The following KCNIP1 variants were observed in gnomAD, a reference collection of about 807,000 sequenced individuals.
The protein encoded by KCNIP1 is potassium voltage-gated channel interacting protein 1.
Under a neutral mutation model 33.0 loss-of-function variants are expected in KCNIP1, and 18 were observed. The ratio of observed to expected loss-of-function variants is 0.55; its 90% CI spans 0.38 to 0.81. The LOEUF (loss-of-function observed/expected upper bound fraction) is 0.81. Ranked by LOEUF, KCNIP1 falls within the 30% of genes least tolerant of loss-of-function variation. The probability of loss-of-function intolerance (pLI) is 0.00; values close to 1 mark genes in which losing one functional copy is unlikely to be tolerated. For missense variants in KCNIP1, 238 were observed against 271.6 expected (o/e 0.88, Z 0.87); for synonymous variants, 93 against 98.3 (o/e 0.95, Z 0.32).
At chr5:170,582,313 C>A (rs1757825854) in intron 1 of KCNIP1, among the ~76,000 whole-genome samples, 1 of 152,144 alleles carries the variant, frequency 6.6e-6, no homozygotes, top group African/African-American at 2.4e-5. Context: ...GTTGAGTAGT[C>A]CTGAGCAGGT....
chr5:170,669,656 C>T (rs1761842178), intron 1 of KCNIP1: 3 of 985,244 alleles, frequency 3.0e-6, no homozygotes, highest in Non-Finnish European at 3.6e-6. Context: ...TCGGAGAGTT[C>T]CTGGGTATGA....
chr5:170,424,911 T>A (rs1581179822), intron 1 of KCNIP1, among the ~76,000 whole-genome samples: 1 of 152,196 alleles, frequency 6.6e-6, no homozygotes, highest in East Asian at 1.9e-4. Context: ...CGTCTTGGCT[T>A]CTTTCTGGTC....
chr5:170,354,694 C>T (rs73800631), intron 1 of KCNIP1, among the ~76,000 whole-genome samples: 149 of 152,276 alleles, frequency 9.8e-4, no homozygotes, highest in African/African-American at 3.4e-3. Flanking sequence ...GGCCCACAGC[C>T]GGGAGGCAGA....
At chr5:170,603,399 G>A (rs762498548) in intron 1 of KCNIP1, among the ~76,000 whole-genome samples, 19 of 152,178 alleles carry the variant, frequency 1.2e-4, no homozygotes, top group Non-Finnish European at 2.5e-4. Flanking sequence ...CTCAGCGATC[G>A]TTTTCCATTA....
chr5:170,575,298 A>G (rs1190345428), intron 1 of KCNIP1, among the ~76,000 whole-genome samples: 1 of 152,258 alleles, frequency 6.6e-6, no homozygotes, highest in African/African-American at 2.4e-5. Context: ...ATTAAGTAAC[A>G]TTATGGTAAA....
chr5:170,428,468 TAAC>T (rs748384951), intron 1 of KCNIP1, among the ~76,000 whole-genome samples: 7 of 152,040 alleles, frequency 4.6e-5, no homozygotes, highest in Non-Finnish European at 7.4e-5. Flanking sequence ...TGATGGAATT[TAAC>T]AACAAGGAAC....
In KCNIP1 at chr5:170,670,895, C is replaced by CA. The variant is rs1196945254; in HGVS notation, c.62-47857dup. Among the ~76,000 whole-genome samples the CA allele has an allele frequency of 6.1e-3, 641 of 105,834 alleles. 5 individuals carry two copies. Among genetic ancestry groups the CA allele is most frequent in the African/African-American group, 0.029 (600 of 20,888 alleles). The allele number at this position is 105,834 out of a possible 152,430, so 69.4% of individuals were successfully genotyped here. On this transcript the variant is annotated intron_variant, in intron 1 of 7. Coordinates refer to ENST00000328939, the MANE Select transcript of KCNIP1 (RefSeq NM_014592.4). ...TGGGCGACAGAGTGAGACTCTGTCTCAAAAAACAAAAAAAAAAATAAAAAA... is the reference window on the plus strand; with the variant it reads ...TGGGCGACAGAGTGAGACTCTGTCTCAAAAAAACAAAAAAAAAAATAAAAAA...
In KCNIP1 at chr5:170,504,366, C is replaced by G. The variant is rs1754621044; in HGVS notation, c.-207C>G. 2.8e-6 allele frequency: 4 copies of G among 1,423,198 alleles called. No homozygotes were observed. The highest frequency in any genetic ancestry group is 2.7e-6 in the Non-Finnish European group (3 of 1,094,352). 88.2% of individuals were successfully genotyped at this position (1,423,198 alleles called of 1,614,324 possible). A position where few individuals can be genotyped will look rare whatever the true frequency, so the allele number is the denominator to read the frequency against. ...CCGAAGGCTCGCGGGGAGCGGCTAGCCCTGAGTCCCTGCATGTGCGGGGCT... is the reference window on the plus strand; with the variant it reads ...CCGAAGGCTCGCGGGGAGCGGCTAGGCCTGAGTCCCTGCATGTGCGGGGCT... On this transcript the variant is annotated 5_prime_UTR_variant, in exon 1 of 8. Coordinates refer to ENST00000328939, the MANE Select transcript of KCNIP1 (RefSeq NM_014592.4). This position sits in a 1 kb window ranked among gnomAD's most constrained non-coding sequence, Gnocchi z 6.0.
chr5:170,385,764 A>G (rs562608509), intron 1 of KCNIP1, among the ~76,000 whole-genome samples: 13 of 152,094 alleles, frequency 8.5e-5, no homozygotes, highest in Non-Finnish European at 1.9e-4. Flanking sequence ...TCTATGTTCT[A>G]GTCTCTGGAA....
In KCNIP1 at chr5:170,456,701, T is replaced by TTTTCTTTTTCTTTCTTTC. The variant is rs1554093875; in HGVS notation, c.88+102744_88+102745insTTCTTTCTTTCTTTCTTT. Among the ~76,000 whole-genome samples, 1,213 of 135,754 alleles carry TTTTCTTTTTCTTTCTTTC rather than the reference T, an allele frequency of 8.9e-3. 10 individuals carry two copies. The highest frequency in any genetic ancestry group is 0.014 in the Middle Eastern group (4 of 280). The allele number at this position is 135,754 out of a possible 152,430, so 89.1% of individuals were successfully genotyped here. A position where few individuals can be genotyped will look rare whatever the true frequency, so the allele number is the denominator to read the frequency against. On this transcript the variant is annotated intron_variant, in intron 1 of 7. Transcript: ENST00000377360. The stretch of plus-strand genomic sequence containing the variant: ...TTTCTTTCTTTCTCTCTCTCTCTCT[T>TTTTCTTTTTCTTTCTTTC]TTTCTTTCTTTCTTTCTTTCTTTCT...
chr5:170,433,914 C>A lies in KCNIP1; in HGVS notation c.88+79950C>A, dbSNP rs563714002. ...TTCCAGGCCCACCTGGCTGTAGAGACCACACTCTTTCCTGTCTCCATGCAG... is the reference window on the plus strand; with the variant it reads ...TTCCAGGCCCACCTGGCTGTAGAGAACACACTCTTTCCTGTCTCCATGCAG... On this transcript the variant is annotated intron_variant, in intron 1 of 7. Transcript: ENST00000377360. Among the ~76,000 whole-genome samples, 12 of 152,180 alleles carry A rather than the reference C, an allele frequency of 7.9e-5. No individual in the cohort carries two copies. In the South Asian group the frequency reaches 2.1e-3, roughly 26 times the overall value.
At chr5:170,537,074 T>A (rs1198970526) in intron 1 of KCNIP1, among the ~76,000 whole-genome samples, 2 of 152,174 alleles carry the variant, frequency 1.3e-5, no homozygotes, top group Non-Finnish European at 2.9e-5. Context: ...CCCCCTCAGG[T>A]CCGTCCTTGT....
rs1008260063 is a variant in KCNIP1 at position 170,718,857 on chromosome 5, A to G, written c.161A>G (p.Gln54Arg). 2 of 1,610,402 alleles carry G rather than the reference A, an allele frequency of 1.2e-6. No individual in the cohort carries two copies. The highest frequency in any genetic ancestry group is 2.2e-5 in the South Asian group (2 of 90,646). ...ACCAACTTCACCAAGAGGGAGCTGC[A>G]GGTCCTTTATCGAGGCTTCAAAAAT... ...AQTNFTKRELQVLYRGFKNEC... is the reference protein window; with the variant it reads ...AQTNFTKRELRVLYRGFKNEC... Residue 54 changes from glutamine (Q) to arginine (R), a missense_variant, in exon 2 of 8, where the codon CAG becomes CGG. Gln to Arg is a conservative substitution (Grantham distance 43). Transcript: ENST00000328939.
At position 170,618,667 on chromosome 5, in the gene KCNIP1, C is replaced by T. The variant is rs574875496; in HGVS notation, c.62-100091C>T. On this transcript the variant is annotated intron_variant, in intron 1 of 7. Coordinates refer to ENST00000328939, the MANE Select transcript of KCNIP1 (RefSeq NM_014592.4). ...CAAAGTGAATCCTAGTAATGTCACT[C>T]ACTTAATATGTGTGATTTTTTAGAC... Among the ~76,000 whole-genome samples the T allele has an allele frequency of 1.9e-3, 284 of 152,202 alleles. 1 individual carries two copies. The highest frequency in any genetic ancestry group is 2.3e-3 in the Non-Finnish European group (158 of 68,008).
At chr5:170,689,545 A>G (rs1413285673) in intron 1 of KCNIP1, among the ~76,000 whole-genome samples, 1 of 152,244 alleles carries the variant, frequency 6.6e-6, no homozygotes. Context: ...AAAGCTGTAC[A>G]ACAGAAGAAA....
In KCNIP1 at chr5:170,587,325, G is replaced by A. The variant is rs117412102; in HGVS notation, c.61+82692G>A. 4.3e-3 allele frequency among the ~76,000 whole-genome samples: 650 copies of A among 150,804 alleles called. 14 individuals are homozygous for A. The East Asian group carries it at 0.082, about 19-fold the overall frequency. The stretch of plus-strand genomic sequence containing the variant: ...AGTCCTAGCTACTCCAAGAGGCTGA[G>A]GTGGGAGAATGGCTTCAAACCATGA... On this transcript the variant is annotated intron_variant, in intron 1 of 7. Coordinates refer to ENST00000328939, the MANE Select transcript of KCNIP1 (RefSeq NM_014592.4).
In KCNIP1 at chr5:170,504,577, G is replaced by T; in HGVS notation, c.5G>T (p.Gly2Val). ...CGCACTCAAGTCTTCGCTGCCATGG[G>T]GGCCGTCATGGGCACCTTCTCATCT... M[G>V]AVMGTFSSLQ... The change falls in exon 1 of 8, where the codon GGG becomes GTG. Residue 2 changes from glycine to valine, a missense_variant. Physicochemically the swap from Gly to Val is moderately radical, Grantham distance 109. Coordinates refer to ENST00000328939, the MANE Select transcript of KCNIP1 (RefSeq NM_014592.4). The surrounding 1 kb of genome is among the most constrained non-coding windows in gnomAD (Gnocchi z 6.0). The T allele has an allele frequency of 6.2e-7, 1 of 1,613,546 alleles. No homozygotes were observed.
At chr5:170,434,268 G>A (rs559162639) in intron 1 of KCNIP1, among the ~76,000 whole-genome samples, 3 of 152,260 alleles carry the variant, frequency 2.0e-5, no homozygotes, top group African/African-American at 7.2e-5. Context: ...AATTACGCAT[G>A]TACGCATATA....
chr5:170,629,279 G>A (rs1158208096), intron 1 of KCNIP1, among the ~76,000 whole-genome samples: 1 of 152,196 alleles, frequency 6.6e-6, no homozygotes, highest in East Asian at 1.9e-4. Flanking sequence ...ATGGGCAGGG[G>A]CATTGTTCAT....
Sources: gnomAD v4.1 joint callset for allele counts (sites outside exome capture counted in the v4.1 genomes callset) on GRCh38, gnomAD v4.1.1 for gene constraint, Gnocchi (gnomAD v3.1) non-coding constraint, MANE v1.5 for transcripts, NCBI Gene and HGNC (gene_info 2026-07-23, HGNC 2026-07-21) for gene names.